MAP2K4: variants seen among roughly 807,000 people sequenced by gnomAD.
The protein encoded by MAP2K4 is dual specificity mitogen-activated protein kinase kinase 4.
MAP2K4 carries 4 observed loss-of-function variants against 48.5 expected under a neutral mutation model. The observed-to-expected ratio is 0.08, with a 90% CI of 0.04 to 0.19. The LOEUF is 0.19. Among genes scored for constraint, MAP2K4 ranks in the 10% least tolerant of loss-of-function variants. The probability of loss-of-function intolerance (pLI) is 1.00; values close to 1 mark genes in which losing one functional copy is unlikely to be tolerated. For missense variants in MAP2K4, 258 were observed against 493.3 expected, an observed-to-expected ratio of 0.52 and a Z score of 4.52; for synonymous variants, 166 against 173.1, an observed-to-expected ratio of 0.96 and a Z score of 0.32.
chr17:12,027,584 G>C, intron 1 of MAP2K4, among the ~76,000 whole-genome samples: 1 of 152,136 alleles, frequency 6.6e-6, no homozygotes, highest in East Asian at 1.9e-4. Flanking sequence ...ATATATGTCA[G>C]ATGTATATAT....
chr17:12,097,485 T>C (rs1379948917), intron 4 of MAP2K4, among the ~76,000 whole-genome samples: 1 of 152,250 alleles, frequency 6.6e-6, no homozygotes, highest in African/African-American at 2.4e-5. Flanking sequence ...TTGACAAAGA[T>C]GTGGAAACAA....
At position 12,033,131 on chromosome 17, in the gene MAP2K4, C is replaced by G. The variant is rs1029954071; in HGVS notation, c.115+12130C>G. On this transcript the variant is annotated intron_variant, in intron 1 of 10. Transcript: ENST00000353533. ...GATTACAGGTGTGAGCGACTGTACC[C>G]GGCCAAAAAAAAAATGCATTTAAGC... Among the ~76,000 whole-genome samples, 5 of 150,926 alleles carry G rather than the reference C, an allele frequency of 3.3e-5. No homozygotes were observed. In the South Asian group the frequency reaches 1.0e-3, roughly 32 times the overall value.
chr17:12,061,263 G>A (rs547688018), intron 2 of MAP2K4, among the ~76,000 whole-genome samples: 47 of 152,302 alleles, frequency 3.1e-4, no homozygotes, highest in African/African-American at 1.1e-3. Flanking sequence ...TTTGGCTCTA[G>A]TAAATAATGA....
chr17:12,093,596 C>T (rs1971634914), intron 3 of MAP2K4, among the ~76,000 whole-genome samples: 1 of 152,102 alleles, frequency 6.6e-6, no homozygotes, highest in African/African-American at 2.4e-5. Flanking sequence ...GTAAAGAGGA[C>T]ACCTTTTAAA....
At chr17:12,101,142 C>T (rs1021442594) in intron 4 of MAP2K4, among the ~76,000 whole-genome samples, 10 of 152,078 alleles carry the variant, frequency 6.6e-5, no homozygotes, top group African/African-American at 2.4e-4. Flanking sequence ...CTCAAGCTCA[C>T]TTAAGATTAT....
intron 2 of MAP2K4, among the ~76,000 whole-genome samples, chr17:12,072,150 G>T (rs141478192): frequency 6.6e-6 from 1 of 152,236 alleles, no homozygotes; most frequent in African/African-American, 2.4e-5. Flanking sequence ...GATCATAGAA[G>T]AATTAAATAG....
intron 5 of MAP2K4, 88 bp downstream of exon 5, chr17:12,107,997 C>T (rs28923215): frequency 2.6e-6 from 3 of 1,146,736 alleles, no homozygotes; most frequent in East Asian, 2.7e-5. Flanking sequence ...TTGAGTGTCA[C>T]TCACAGTACC....
In MAP2K4 at chr17:12,020,877, A is replaced by T. The variant is rs1448888173; in HGVS notation, c.-10A>T. 8.5e-7 allele frequency: 1 copy of T among 1,179,404 alleles called. No homozygotes were observed. Among genetic ancestry groups the T allele is most frequent in the African/African-American group, 1.6e-5 (1 of 62,622 alleles). The allele number at this position is 1,179,404 out of a possible 1,614,324, so 73.1% of individuals were successfully genotyped here. On this transcript the variant is annotated 5_prime_UTR_variant, in exon 1 of 11. Coordinates refer to ENST00000353533, the MANE Select transcript of MAP2K4 (RefSeq NM_003010.4). ...CCGCCGCGGCGCCGCTCGGCTCTTC[A>T]CTCCCAACAATGGCGGCTCCGAGCC...
chr17:12,027,484 TACAC>T (rs149452854), intron 1 of MAP2K4, among the ~76,000 whole-genome samples: 5 of 150,762 alleles, frequency 3.3e-5, no homozygotes, highest in Non-Finnish European at 5.9e-5. Context: ...TATCTGAACA[TACAC>T]ACACACACAC....
intron 2 of MAP2K4, 79 bp downstream of exon 2, chr17:12,055,070 T>C (rs1970244414): frequency 1.2e-6 from 1 of 829,648 alleles, no homozygotes; most frequent in Non-Finnish European, 1.9e-6. Flanking sequence ...TTTCCAATTA[T>C]GAGATGTCAG....
At chr17:12,063,525 A>T (rs1044328261) in intron 2 of MAP2K4, among the ~76,000 whole-genome samples, 3 of 152,102 alleles carry the variant, frequency 2.0e-5, no homozygotes, top group Non-Finnish European at 4.4e-5. Context: ...AAAAGCAAAA[A>T]CTCTATAAAG....
intron 1 of MAP2K4, among the ~76,000 whole-genome samples, chr17:12,028,828 A>G (rs1969341171): frequency 6.6e-6 from 1 of 152,192 alleles, no homozygotes; most frequent in South Asian, 2.1e-4. Flanking sequence ...TTATCAACCT[A>G]GAGGAATGGG....
intron 1 of MAP2K4, among the ~76,000 whole-genome samples, chr17:12,050,163 T>C (rs1426815090): frequency 1.3e-5 from 2 of 152,154 alleles, no homozygotes; most frequent in African/African-American, 4.8e-5. Flanking sequence ...GGTAACAGAA[T>C]CTTGCTTTCC....
At chr17:12,091,366 T>C (rs906008013) in intron 3 of MAP2K4, among the ~76,000 whole-genome samples, 1 of 152,212 alleles carries the variant, frequency 6.6e-6, no homozygotes, top group Non-Finnish European at 1.5e-5. Flanking sequence ...TGGATGTTGC[T>C]GTGTTTTGTG....
intron 2 of MAP2K4, among the ~76,000 whole-genome samples, chr17:12,069,386 C>G (rs1970714897): frequency 6.6e-6 from 1 of 152,120 alleles, no homozygotes; most frequent in African/African-American, 2.4e-5. Flanking sequence ...ACAACTGACA[C>G]AGGATCAGCT....
At chr17:12,075,774 A>T (rs914081758) in intron 2 of MAP2K4, among the ~76,000 whole-genome samples, 5 of 152,330 alleles carry the variant, frequency 3.3e-5, no homozygotes, top group Non-Finnish European at 4.4e-5. Flanking sequence ...CTTGGTACAC[A>T]GCCATTCCAG....
At chr17:12,078,449 A>G (rs1308023564) in intron 2 of MAP2K4, among the ~76,000 whole-genome samples, 2 of 152,182 alleles carry the variant, frequency 1.3e-5, no homozygotes, top group East Asian at 1.9e-4. Context: ...TGGGCATGCA[A>G]TGTGTAATAA....
intron 2 of MAP2K4, among the ~76,000 whole-genome samples, chr17:12,064,622 G>A (rs985434605): frequency 4.6e-5 from 7 of 152,178 alleles, no homozygotes; most frequent in South Asian, 2.1e-4. Context: ...TGTTGAGGAA[G>A]CAGAAAATGG....
At position 12,047,726 on chromosome 17, in the gene MAP2K4, T is replaced by C. The variant is rs115783238; in HGVS notation, c.116-7163T>C. Among the ~76,000 whole-genome samples, 1,466 of 152,348 alleles carry C rather than the reference T, an allele frequency of 9.6e-3. 20 individuals are homozygous for C. Among genetic ancestry groups the C allele is most frequent in the African/African-American group, 0.032 (1,342 of 41,574 alleles). On this transcript the variant is annotated intron_variant, in intron 1 of 10. Transcript: ENST00000353533. The stretch of plus-strand genomic sequence containing the variant: ...TTCTTCTCTAGAGAATTTAATACTT[T>C]CTCAATTAGGTTTTAATATGTACTT...
Sources: allele counts gnomAD v4.1 joint callset (sites outside exome capture counted in the v4.1 genomes callset), GRCh38; gene constraint gnomAD v4.1.1; transcripts MANE v1.5; gene names NCBI Gene and HGNC (gene_info 2026-07-23, HGNC 2026-07-21).